RHOD: variants seen among roughly 807,000 people sequenced by gnomAD.
RHOD encodes ras homolog family member D.
A neutral mutation model predicts 16.7 loss-of-function variants in RHOD; 11 were observed. The observed-to-expected ratio is 0.66, with a 90% CI of 0.41 to 1.09. The LOEUF (loss-of-function observed/expected upper bound fraction) is 1.09. Among genes scored for constraint, RHOD ranks in the 50% least tolerant of loss-of-function variants. The probability of loss-of-function intolerance (pLI) is 0.00; values close to 1 mark genes in which losing one functional copy is unlikely to be tolerated. For missense variants in RHOD, 271 were observed against 291.7 expected (o/e 0.93, Z 0.52); for synonymous variants, 124 against 126.3 (o/e 0.98, Z 0.12).
intron 1 of RHOD, among the ~76,000 whole-genome samples, chr11:67,058,338 G>A (rs1854844186): frequency 6.6e-6 from 1 of 152,178 alleles, no homozygotes. Flanking sequence ...ACCGTGCCCA[G>A]CTAATTTTTG....
In RHOD at chr11:67,070,453, A is replaced by G. The variant is rs372853389; in HGVS notation, c.359A>G (p.Lys120Arg). The G allele has an allele frequency of 1.1e-5, 17 of 1,613,814 alleles. No individual in the cohort carries two copies. Among genetic ancestry groups the G allele is most frequent in the Admixed American group, 3.3e-5 (2 of 59,958 alleles). The change falls in exon 4 of 5, where the codon AAG (lysine) becomes AGG (arginine). Residue 120 changes from lysine to arginine, a missense_variant. By Grantham distance (26) the Lys-to-Arg change is conservative. Coordinates refer to ENST00000308831, the MANE Select transcript of RHOD (RefSeq NM_014578.4). ...TACCCAGAAGTGAATCATTTCTGCA[A>G]GAAGGTACCCATCATCGTCGTGGGC... ...RWYPEVNHFC[K>R]KVPIIVVGCK...
Position 67,066,720 on chromosome 11 carries a change from C to T in RHOD, c.221-18C>T, listed in dbSNP as rs983830243. ...GGCCAGGAGCCCTGAAGGCAGTGAC[C>T]ACCTCCACTCTGCCCAGGGCAAGAT... On this transcript the variant is annotated intron_variant, in intron 2 of 4. Transcript: ENST00000308831. 1 of 1,519,160 alleles carries T rather than the reference C, an allele frequency of 6.6e-7. No individual in the cohort carries two copies. The highest frequency in any genetic ancestry group is 9.1e-7 in the Non-Finnish European group (1 of 1,093,844). 94.1% of individuals were successfully genotyped at this position (1,519,160 alleles called of 1,614,324 possible).
In RHOD at chr11:67,070,318, A is replaced by G. The variant is rs746355221; in HGVS notation, c.331-107A>G. On this transcript the variant is annotated intron_variant, in intron 3 of 4. Coordinates refer to ENST00000308831, the MANE Select transcript of RHOD (RefSeq NM_014578.4). ...TCCCTAGGTGCTGGCTTTGCTGATT[A>G]TCCATATCAGAGCTCAGGCTGGGGA... 3.7e-5 allele frequency: 45 copies of G among 1,200,730 alleles called. No homozygotes were observed. The Middle Eastern group carries it at 5.6e-4, about 15-fold the overall frequency. 74.4% of individuals were successfully genotyped at this position (1,200,730 alleles called of 1,614,324 possible).
intron 4 of RHOD, 40 bp downstream of exon 4, chr11:67,070,599 A>T: frequency 6.2e-7 from 1 of 1,611,850 alleles, no homozygotes; most frequent in Non-Finnish European, 8.5e-7. Flanking sequence ...GGGAGGACTG[A>T]GTGAGGGGAC....
intron 3 of RHOD, among the ~76,000 whole-genome samples, chr11:67,067,193 G>A (rs1042574235): frequency 3.9e-5 from 6 of 152,264 alleles, no homozygotes; most frequent in Admixed American, 2.0e-4. Context: ...GCCTGTGCCC[G>A]CCCAAGGTGC....
Position 67,070,684 on chromosome 11 carries a change from G to A in RHOD, c.465+125G>A, listed in dbSNP as rs1855018977. ...GGTCAGAGCTGCGGTCGTCTTAGAG[G>A]CTGTCAGAGGTCAGAAACTTCCAGC... On this transcript the variant is annotated intron_variant, in intron 4 of 4. Transcript: ENST00000308831. The A allele has an allele frequency of 2.2e-5, 25 of 1,135,820 alleles. 1 individual carries two copies. The South Asian group carries it at 3.1e-4, about 14-fold the overall frequency. The allele number at this position is 1,135,820 out of a possible 1,614,324, so 70.4% of individuals were successfully genotyped here.
chr11:67,069,315 A>T (rs992630163), intron 3 of RHOD, among the ~76,000 whole-genome samples: 1 of 152,128 alleles, frequency 6.6e-6, no homozygotes, highest in Non-Finnish European at 1.5e-5. Flanking sequence ...CCAGGCAAGC[A>T]GTTGAGGCAG....
intron 1 of RHOD, among the ~76,000 whole-genome samples, chr11:67,065,514 G>A (rs1246534271): frequency 6.6e-6 from 1 of 152,056 alleles, no homozygotes; most frequent in Non-Finnish European, 1.5e-5. Context: ...TGGGATTACA[G>A]GCAGGCCCAC....
chr11:67,057,310 T>C (rs144370080), intron 1 of RHOD, among the ~76,000 whole-genome samples: 2 of 152,344 alleles, frequency 1.3e-5, no homozygotes, highest in African/African-American at 4.8e-5. Flanking sequence ...AAGACAGCAC[T>C]TGGCCACACA....
intron 1 of RHOD, among the ~76,000 whole-genome samples, chr11:67,065,168 C>G (rs1052223635): frequency 1.3e-5 from 2 of 152,050 alleles, no homozygotes; most frequent in African/African-American, 4.8e-5. Flanking sequence ...GTCCACCTCC[C>G]GGGTTCAAGC....
chr11:67,070,495 G>A lies in RHOD; in HGVS notation c.401G>A (p.Arg134His), dbSNP rs536466716. Residue 134 changes from arginine to histidine, a missense_variant, in exon 4 of 5, where the codon CGC becomes CAC. Physicochemically the swap from Arg to His is conservative, Grantham distance 29 (BLOSUM62 0). Transcript: ENST00000308831. ...IIVVGCKTDL[R>H]KDKSLVNKLR... ...GTCGTGGGCTGCAAGACTGACCTGCGCAAGGACAAATCACTGGTGAACAAG... is the reference window on the plus strand; with the variant it reads ...GTCGTGGGCTGCAAGACTGACCTGCACAAGGACAAATCACTGGTGAACAAG... The A allele has an allele frequency of 7.4e-6, 12 of 1,614,036 alleles. No individual in the cohort carries two copies. The Middle Eastern group carries it at 6.6e-4, about 89-fold the overall frequency.
chr11:67,064,568 A>G (rs947920630), intron 1 of RHOD, among the ~76,000 whole-genome samples: 3 of 152,140 alleles, frequency 2.0e-5, no homozygotes, highest in East Asian at 3.8e-4. Context: ...AGGAACCCCA[A>G]AAAGCTGCGA....
chr11:67,070,161 C>T (rs1024215381), intron 3 of RHOD: 3 of 524,764 alleles, frequency 5.7e-6, no homozygotes, highest in African/African-American at 3.8e-5. Flanking sequence ...GGCCAAGTTA[C>T]ATCGCCTTTC....
intron 3 of RHOD, among the ~76,000 whole-genome samples, chr11:67,067,071 C>T (rs1244115351): frequency 6.6e-6 from 1 of 152,212 alleles, no homozygotes; most frequent in Admixed American, 6.5e-5. Flanking sequence ...TTCTGACTCC[C>T]AGTACAGTGC....
At chr11:67,070,355 G>C (rs1352976740) in intron 3 of RHOD, 70 bp from the exon 4 acceptor site, 1 of 1,523,714 alleles carries the variant, frequency 6.6e-7, no homozygotes, top group Admixed American at 1.7e-5. Context: ...CAAGAGAGTG[G>C]TCCACTGAGA....
At chr11:67,059,409 G>A (rs928448525) in intron 1 of RHOD, among the ~76,000 whole-genome samples, 2 of 152,062 alleles carry the variant, frequency 1.3e-5, no homozygotes, top group Non-Finnish European at 2.9e-5. Context: ...CGGGCATAGT[G>A]GCAGGCGCCT....
chr11:67,065,319 C>T (rs538086368), intron 1 of RHOD, among the ~76,000 whole-genome samples: 4 of 152,298 alleles, frequency 2.6e-5, no homozygotes, highest in African/African-American at 9.6e-5. Flanking sequence ...CATGATCCGC[C>T]CACTTCGGCC....
Position 67,066,861 on chromosome 11 carries a change from G to A in RHOD, c.330+14G>A, listed in dbSNP as rs774478720. 2 of 1,559,108 alleles carry A rather than the reference G, an allele frequency of 1.3e-6. No homozygotes were observed. Among genetic ancestry groups the A allele is most frequent in the South Asian group, 1.1e-5 (1 of 89,896 alleles). On this transcript the variant is annotated intron_variant, in intron 3 of 4. Coordinates refer to ENST00000308831, the MANE Select transcript of RHOD (RefSeq NM_014578.4). ...ATCTTTAACCGGGTAGGTACTGGGGGGCAGGGAGGCATAGCCCCCATAGCC... is the reference window on the plus strand; with the variant it reads ...ATCTTTAACCGGGTAGGTACTGGGGAGCAGGGAGGCATAGCCCCCATAGCC...
At chr11:67,062,572 A>G (rs1000260392) in intron 1 of RHOD, among the ~76,000 whole-genome samples, 1 of 152,094 alleles carries the variant, frequency 6.6e-6, no homozygotes, top group African/African-American at 2.4e-5. Flanking sequence ...AGACTTCTCC[A>G]TCTTCCTCAG....
Sources: gnomAD v4.1 joint callset for allele counts (sites outside exome capture counted in the v4.1 genomes callset) on GRCh38, gnomAD v4.1.1 for gene constraint, MANE v1.5 for transcripts, NCBI Gene and HGNC (gene_info 2026-07-23, HGNC 2026-07-21) for gene names.